Variants in ADGRA1 observed in about 807,000 individuals in gnomAD.
ADGRA1 encodes adhesion G protein-coupled receptor A1, also known as G-protein coupled receptor 123.
ADGRA1 carries 12 observed loss-of-function variants against 21.3 expected under a neutral mutation model. The observed-to-expected ratio is 0.56, with a 90% CI of 0.36 to 0.91. ADGRA1 has a LOEUF of 0.91. Ranked by LOEUF, ADGRA1 falls within the 40% of genes least tolerant of loss-of-function variation. The pLI, the probability that ADGRA1 is intolerant of heterozygous loss-of-function variation, is 0.01. For synonymous variants in ADGRA1, 385 were observed against 368.8 expected, an observed-to-expected ratio of 1.04 and a Z score of -0.50; for missense variants, 790 against 805.6, an observed-to-expected ratio of 0.98 and a Z score of 0.23.
chr10:133,098,552 G>C (rs1393641255), intron 3 of ADGRA1, 88 bp from the exon 4 acceptor site: 3 of 1,505,406 alleles, frequency 2.0e-6, no homozygotes, highest in Non-Finnish European at 2.7e-6. Context: ...ACTTCCCGGG[G>C]ACAGAGCCTG....
chr10:133,104,960 G>A (rs763021051), intron 5 of ADGRA1, among the ~76,000 whole-genome samples: 8 of 152,130 alleles, frequency 5.3e-5, no homozygotes, highest in Non-Finnish European at 8.8e-5. Flanking sequence ...AGGTGCTCAC[G>A]GTCTGCCCTC....
chr10:133,113,307 G>A lies in ADGRA1; in HGVS notation c.401+10465G>A, dbSNP rs189760258. Among the ~76,000 whole-genome samples, 11 of 152,336 alleles carry A rather than the reference G, an allele frequency of 7.2e-5. 1 individual carries two copies. The highest frequency in any genetic ancestry group is 1.4e-4 in the African/African-American group (6 of 41,578). ...TTCGGTTTGGAAGTCCAATGGCACC[G>A]CGGCACTTAGATTCCGTGTCACGGC... On this transcript the variant is annotated intron_variant, in intron 5 of 6. Coordinates refer to ENST00000392607, the MANE Select transcript of ADGRA1 (RefSeq NM_001083909.3).
At chr10:133,089,185 G>A (rs960037281) in intron 2 of ADGRA1, 2 of 522,570 alleles carry the variant, frequency 3.8e-6, no homozygotes, top group Non-Finnish European at 5.9e-6. Flanking sequence ...CAATGGAGGC[G>A]ACGTCCCTCC....
Position 133,088,825 on chromosome 10 carries a change from T to C in ADGRA1, c.-85T>C. 1 of 1,235,064 alleles carries C rather than the reference T, an allele frequency of 8.1e-7. No homozygotes were observed. The allele number at this position is 1,235,064 out of a possible 1,614,324, so 76.5% of individuals were successfully genotyped here. A position where few individuals can be genotyped will look rare whatever the true frequency, so the allele number is the denominator to read the frequency against. On this transcript the variant is annotated 5_prime_UTR_variant, in exon 2 of 7. Coordinates refer to ENST00000392607, the MANE Select transcript of ADGRA1 (RefSeq NM_001083909.3). ...TTGACCTTCCAGAGGCCATGGAGGC[T>C]GGCGGGGAGCAGGGCGCCACCTGAT...
At chr10:133,117,972 T>C (rs1852188867) in intron 5 of ADGRA1, among the ~76,000 whole-genome samples, 1 of 152,310 alleles carries the variant, frequency 6.6e-6, no homozygotes, top group Admixed American at 6.5e-5. Flanking sequence ...GCCAGTTGAC[T>C]GGCAAAGCTG....
intron 5 of ADGRA1, among the ~76,000 whole-genome samples, chr10:133,123,966 G>A (rs933479094): frequency 6.6e-6 from 1 of 152,200 alleles, no homozygotes; most frequent in Non-Finnish European, 1.5e-5. Context: ...TGGTTTCAGG[G>A]AAGAGAACGT....
At chr10:133,091,481 C>G (rs558300658) in intron 2 of ADGRA1, among the ~76,000 whole-genome samples, 1 of 152,344 alleles carries the variant, frequency 6.6e-6, no homozygotes, top group African/African-American at 2.4e-5. Flanking sequence ...ATGAGCTCAT[C>G]GTCCCTTCAG....
intron 5 of ADGRA1, among the ~76,000 whole-genome samples, chr10:133,104,004 T>A (rs569424352): frequency 6.6e-6 from 1 of 152,286 alleles, no homozygotes; most frequent in East Asian, 1.9e-4. Context: ...TTGGAGGACA[T>A]TCATCCGGTT....
At position 133,098,641 on chromosome 10, in the gene ADGRA1, G is replaced by A. The variant is rs753266247; in HGVS notation, c.133G>A (p.Ala45Thr). The A allele has an allele frequency of 6.2e-6, 10 of 1,608,080 alleles. No individual in the cohort carries two copies. The highest frequency in any genetic ancestry group is 2.7e-5 in the African/African-American group (2 of 75,006). Reference protein sequence around the residue: ...SFVTYIVHQSAIRISRKGRHT... With the variant: ...SFVTYIVHQSTIRISRKGRHT... ...AAACCCTCCTTTCCCGTCCCACAGC[G>A]CCATCCGCATCAGCCGCAAGGGCCG... The change falls in exon 4 of 7, where the codon GCC (alanine) becomes ACC (threonine). Residue 45 changes from alanine (A) to threonine (T), a missense_variant and splice_region_variant. Coordinates refer to ENST00000392607, the MANE Select transcript of ADGRA1 (RefSeq NM_001083909.3).
chr10:133,112,976 G>GTGT (rs1852086213), intron 5 of ADGRA1, among the ~76,000 whole-genome samples: 1 of 99,476 alleles, frequency 1.0e-5, no homozygotes, highest in Admixed American at 1.1e-4. Flanking sequence ...TCTGCGGGCC[G>GTGT]CGTCAGTTAT....
At chr10:133,088,167 G>A in intron 1 of ADGRA1, 29 bp downstream of exon 1, 1 of 946,432 alleles carries the variant, frequency 1.1e-6, no homozygotes, top group Non-Finnish European at 1.3e-6. Context: ...TCTGGGCGGC[G>A]GGAGGGACGC....
At chr10:133,124,841 GCCCC>G (rs1380638932) in intron 5 of ADGRA1, among the ~76,000 whole-genome samples, 1 of 98,974 alleles carries the variant, frequency 1.0e-5, no homozygotes, top group African/African-American at 4.5e-5. Context: ...CCCGGCCCCG[GCCCC>G]GGCCCCGGCC....
chr10:133,131,175 T>A lies in ADGRA1; in HGVS notation c.*1664T>A, dbSNP rs984552801. ...GAGACTGGCACTCAGTATCTGAGTA[T>A]GAGGAGCCTCACTTCCCGGGGTGTC... On this transcript the variant is annotated 3_prime_UTR_variant, in exon 7 of 7. Coordinates refer to ENST00000392607, the MANE Select transcript of ADGRA1 (RefSeq NM_001083909.3). The A allele has an allele frequency of 6.6e-5, 10 of 152,146 alleles. No homozygotes were observed. 9.4% of individuals were successfully genotyped at this position (152,146 alleles called of 1,614,324 possible).
intron 2 of ADGRA1, among the ~76,000 whole-genome samples, chr10:133,091,184 G>T (rs1401508338): frequency 6.6e-6 from 1 of 152,218 alleles, no homozygotes; most frequent in Non-Finnish European, 1.5e-5. Flanking sequence ...GTTCTCGAGG[G>T]CCTGAATTTG....
intron 5 of ADGRA1, among the ~76,000 whole-genome samples, chr10:133,118,480 T>A (rs1299810478): frequency 6.6e-6 from 1 of 152,044 alleles, no homozygotes; most frequent in Non-Finnish European, 1.5e-5. Context: ...CTTACAGTCA[T>A]GGTGGAAGGT....
chr10:133,113,566 G>C (rs968967181), intron 5 of ADGRA1, among the ~76,000 whole-genome samples: 1 of 152,186 alleles, frequency 6.6e-6, no homozygotes, highest in East Asian at 1.9e-4. Context: ...TGGGGCCCTC[G>C]GGCACTGGGG....
chr10:133,112,170 A>G (rs1852044026), intron 5 of ADGRA1, among the ~76,000 whole-genome samples: 1 of 152,192 alleles, frequency 6.6e-6, no homozygotes, highest in African/African-American at 2.4e-5. Context: ...AAGACACTCC[A>G]GAAACAAGCA....
intron 5 of ADGRA1, among the ~76,000 whole-genome samples, chr10:133,116,080 C>A (rs1852151771): frequency 6.6e-6 from 1 of 151,664 alleles, no homozygotes; most frequent in South Asian, 2.1e-4. Flanking sequence ...AAGCCCAGGG[C>A]TAGACGCATG....
chr10:133,091,179 C>T (rs559547053), intron 2 of ADGRA1, among the ~76,000 whole-genome samples: 13 of 152,326 alleles, frequency 8.5e-5, no homozygotes, highest in Admixed American at 2.0e-4. Flanking sequence ...CAGTTGTTCT[C>T]GAGGGCCTGA....
Sources: gnomAD v4.1 joint callset for allele counts (sites outside exome capture counted in the v4.1 genomes callset) on GRCh38, gnomAD v4.1.1 for gene constraint, MANE v1.5 for transcripts, NCBI Gene and HGNC (gene_info 2026-07-23, HGNC 2026-07-21) for gene names.